The following PPL variants were observed in gnomAD, a reference collection of about 807,000 sequenced individuals.
The protein encoded by PPL is periplakin.
PPL carries 198 observed loss-of-function variants against 194.4 expected under a neutral mutation model. The observed-to-expected ratio is 1.02, with a 90% confidence interval of 0.91 to 1.15. The LOEUF is 1.15. Among genes scored for constraint, PPL ranks in the 50% most tolerant of loss-of-function variants. The probability of loss-of-function intolerance (pLI) is 0.00; values close to 1 mark genes in which losing one functional copy is unlikely to be tolerated. For synonymous variants in PPL, 1,220 were observed against 972.4 expected, an observed-to-expected ratio of 1.25 and a Z score of -4.74; for missense variants, 2,885 against 2,294.8, an observed-to-expected ratio of 1.26 and a Z score of -5.25.
At chr16:4,888,504 T>C (rs1312009188) in intron 19 of PPL, among the ~76,000 whole-genome samples, 1 of 152,202 alleles carries the variant, frequency 6.6e-6, no homozygotes, top group African/African-American at 2.4e-5. Flanking sequence ...ATTTTCACAT[T>C]CTGCTGCTGC....
At chr16:4,915,267 C>T (rs773659376) in intron 1 of PPL, among the ~76,000 whole-genome samples, 6 of 152,220 alleles carry the variant, frequency 3.9e-5, no homozygotes, top group South Asian at 2.1e-4. Context: ...AAGCTGTGAG[C>T]GGTAGCAGGA....
At chr16:4,890,460 CAG>C (rs1219018511) in intron 17 of PPL, 126 bp from the exon 18 acceptor site, 3 of 1,269,386 alleles carry the variant, frequency 2.4e-6, no homozygotes, top group Non-Finnish European at 3.2e-6. Flanking sequence ...ATCTCCCACA[CAG>C]GGTGGGTGGT....
At chr16:4,916,858 G>A (rs1403465712) in intron 1 of PPL, among the ~76,000 whole-genome samples, 4 of 152,006 alleles carry the variant, frequency 2.6e-5, no homozygotes, top group African/African-American at 4.8e-5. Context: ...GGCTGGATGC[G>A]GTGACTCACG....
At position 4,882,936 on chromosome 16, in the gene PPL, A is replaced by AGAT. The variant is rs1296209553; in HGVS notation, c.*445_*447dup. 1.6e-5 allele frequency: 3 copies of AGAT among 192,654 alleles called. No homozygotes were observed. Among genetic ancestry groups the AGAT allele is most frequent in the African/African-American group, 7.2e-5 (3 of 41,746 alleles). The allele number at this position is 192,654 out of a possible 1,614,324, so 11.9% of individuals were successfully genotyped here. A position where few individuals can be genotyped will look rare whatever the true frequency, so the allele number is the denominator to read the frequency against. On this transcript the variant is annotated 3_prime_UTR_variant, in exon 22 of 22. Coordinates refer to ENST00000345988, the MANE Select transcript of PPL (RefSeq NM_002705.5). ...TTGGTTTTAAGCCAGAAATCTGGAG[A>AGAT]GATGTCATGCCAGGCAGCAGCCCCC... is the stretch of plus-strand genomic sequence containing the variant.
chr16:4,901,710 T>G (rs2088574542), intron 4 of PPL, among the ~76,000 whole-genome samples: 1 of 128,646 alleles, frequency 7.8e-6, no homozygotes, highest in Non-Finnish European at 1.6e-5. Context: ...AATAAATAAA[T>G]AATAAAACTG....
intron 1 of PPL, among the ~76,000 whole-genome samples, chr16:4,919,157 C>A (rs965580705): frequency 1.3e-5 from 2 of 152,180 alleles, no homozygotes; most frequent in African/African-American, 4.8e-5. Context: ...GAGGGTAACA[C>A]GGACACACGT....
At chr16:4,905,296 A>C (rs530932501) in intron 2 of PPL, among the ~76,000 whole-genome samples, 1 of 152,346 alleles carries the variant, frequency 6.6e-6, no homozygotes, top group South Asian at 2.1e-4. Context: ...CTCCATCTGA[A>C]CAAGCCTGGA....
rs777948731 is a variant in PPL, at chr16:4,884,571, G to A, written c.4084C>T (p.Pro1362Ser). Reference sequence around the variant, plus strand: ...GCGCTCGCCTCGGCCCGCAGGCCTGGCTCCTCCTCATACCTGACCACCTCC... The same window carrying A: ...GCGCTCGCCTCGGCCCGCAGGCCTGACTCCTCCTCATACCTGACCACCTCC... ...QQEVVRYEEE[P>S]GLRAEASAFA... The change falls in exon 22 of 22, where the codon CCA (proline) becomes TCA (serine). Residue 1362 changes from proline (P) to serine (S), a missense_variant. Transcript: ENST00000345988. This position sits in a 1 kb window ranked among gnomAD's most constrained non-coding sequence, Gnocchi z 5.7. The A allele has an allele frequency of 6.2e-7, 1 of 1,613,944 alleles. No homozygotes were observed. Among genetic ancestry groups the A allele is most frequent in the South Asian group, 1.1e-5 (1 of 91,080 alleles).
chr16:4,888,060 C>T (rs1483359922), intron 20 of PPL, 42 bp downstream of exon 20: 3 of 1,460,878 alleles, frequency 2.1e-6, no homozygotes, highest in South Asian at 2.3e-5. Flanking sequence ...GGCAGCTTGG[C>T]CTCCACCTCA....
chr16:4,937,079 C>A lies in PPL; in HGVS notation c.-34G>T, dbSNP rs1178862277. 1.1e-5 allele frequency: 14 copies of A among 1,303,658 alleles called. No homozygotes were observed. Among genetic ancestry groups the A allele is most frequent in the Non-Finnish European group, 1.4e-5 (14 of 1,019,024 alleles). 80.8% of individuals were successfully genotyped at this position (1,303,658 alleles called of 1,614,324 possible). A position where few individuals can be genotyped will look rare whatever the true frequency, so the allele number is the denominator to read the frequency against. The stretch of plus-strand genomic sequence containing the variant: ...TCGGGGTGCGGGCGGCGGCGGCTGG[C>A]GGGCCGGGCGCGCACCGAGGGGCGG... On this transcript the variant is annotated 5_prime_UTR_variant, in exon 1 of 22. Transcript: ENST00000345988.
chr16:4,884,627 A>AGCT lies in PPL; in HGVS notation c.4025_4027dup (p.Glu1342_Leu1343insGln). On this transcript the variant is annotated inframe_insertion, in exon 22 of 22. Coordinates refer to ENST00000345988, the MANE Select transcript of PPL (RefSeq NM_002705.5). The surrounding 1 kb of genome is among the most constrained non-coding windows in gnomAD (Gnocchi z 5.7). ...CACCACCCTTTCCTTCACCCGCGAG[A>AGCT]GCTCCTCCTCTTTCCGGGCGATCTG... 2 of 1,613,942 alleles carry AGCT rather than the reference A, an allele frequency of 1.2e-6. No individual in the cohort carries two copies. Among genetic ancestry groups the AGCT allele is most frequent in the Non-Finnish European group, 1.7e-6 (2 of 1,179,980 alleles).
At chr16:4,886,154 C>G (rs2088216463) in intron 21 of PPL, 107 bp from the exon 22 acceptor site, 2 of 1,348,826 alleles carry the variant, frequency 1.5e-6, no homozygotes, top group African/African-American at 3.0e-5. Flanking sequence ...AAGGGACTCC[C>G]TCAGTGCCAG....
intron 1 of PPL, among the ~76,000 whole-genome samples, chr16:4,915,196 G>C (rs772075007): frequency 1.3e-5 from 2 of 152,226 alleles, no homozygotes; most frequent in African/African-American, 2.4e-5. Context: ...GCCCCCCAGA[G>C]GACATGGGAG....
chr16:4,919,562 G>C (rs1568047381), intron 1 of PPL, among the ~76,000 whole-genome samples: 1 of 152,056 alleles, frequency 6.6e-6, no homozygotes, highest in Non-Finnish European at 1.5e-5. Flanking sequence ...CAATATGCCT[G>C]GCCAGCCACT....
At chr16:4,924,553 AC>A (rs1391818852) in intron 1 of PPL, among the ~76,000 whole-genome samples, 2 of 151,792 alleles carry the variant, frequency 1.3e-5, no homozygotes, top group East Asian at 3.9e-4. Flanking sequence ...TTCTCTTTGA[AC>A]CCCGTGACTC....
At chr16:4,910,979 G>T in intron 1 of PPL, 30 bp from the exon 2 acceptor site, 1 of 1,584,508 alleles carries the variant, frequency 6.3e-7, no homozygotes, top group South Asian at 1.1e-5. Context: ...GGAGATGGGC[G>T]GGGTGCCTGG....
At chr16:4,892,481 G>A (rs765513023) in intron 14 of PPL, among the ~76,000 whole-genome samples, 1 of 152,218 alleles carries the variant, frequency 6.6e-6, no homozygotes, top group Non-Finnish European at 1.5e-5. Context: ...CCTCAGCACT[G>A]CACGCGGACG....
chr16:4,897,765 G>A lies in PPL; in HGVS notation c.882C>T (p.His294=). The A allele has an allele frequency of 5.6e-6, 9 of 1,613,566 alleles. No homozygotes were observed. Among genetic ancestry groups the A allele is most frequent in the Non-Finnish European group, 6.8e-6 (8 of 1,179,820 alleles). Residue 294 remains histidine (H), a synonymous_variant, in exon 9 of 22, where the codon CAC becomes CAT. Coordinates refer to ENST00000345988, the MANE Select transcript of PPL (RefSeq NM_002705.5). ...TCCAGTCTGCGTGCACAGCCTCCATGTGCGCCTGCCAGGAAGAGAAGGGGC... is the reference window on the plus strand; with the variant it reads ...TCCAGTCTGCGTGCACAGCCTCCATATGCGCCTGCCAGGAAGAGAAGGGGC... ...EHPGRNSIEA[H]MEAVHADWKE... is the part of the protein sequence containing the mutation.
chr16:4,902,279 C>G lies in PPL; in HGVS notation c.438+127G>C. On this transcript the variant is annotated intron_variant, in intron 4 of 21. Coordinates refer to ENST00000345988, the MANE Select transcript of PPL (RefSeq NM_002705.5). This position sits in a 1 kb window ranked among gnomAD's most constrained non-coding sequence, Gnocchi z 4.0. ...TCTTCTCATGGGCACACTGGAAAAC[C>G]ATCAGGACCACGACTGTCTCCCTGG... The G allele has an allele frequency of 7.0e-7, 1 of 1,438,674 alleles. No individual in the cohort carries two copies. The highest frequency in any genetic ancestry group is 2.3e-5 in the East Asian group (1 of 42,580). The allele number at this position is 1,438,674 out of a possible 1,614,324, so 89.1% of individuals were successfully genotyped here.
Sources: gnomAD v4.1 joint callset for allele counts (sites outside exome capture counted in the v4.1 genomes callset) on GRCh38, gnomAD v4.1.1 for gene constraint, Gnocchi (gnomAD v3.1) non-coding constraint, MANE v1.5 for transcripts, NCBI Gene and HGNC (gene_info 2026-07-23, HGNC 2026-07-21) for gene names.